Variants in FGF13 observed in about 807,000 individuals in gnomAD.
The protein encoded by FGF13 is fibroblast growth factor homologous factor 2.
In FGF13, 2 loss-of-function variants were observed where a neutral mutation model predicts 19.5. That is an observed-to-expected ratio of 0.10 (90% CI 0.04 to 0.32). The LOEUF (loss-of-function observed/expected upper bound fraction) is 0.32, where lower values mean the gene tolerates loss of function less well. Among genes scored for constraint, FGF13 ranks in the 10% least tolerant of loss-of-function variants. The pLI is 1.00. For synonymous variants in FGF13, 72 were observed against 76.9 expected (o/e 0.94, Z 0.33); for missense variants, 113 against 192.7 (o/e 0.59, Z 2.45).
At chrX:139,026,945 C>T (rs1158374907) in intron 1 of FGF13, among the ~76,000 whole-genome samples, 6 of 111,984 alleles carry the variant, frequency 5.4e-5, no homozygotes, top group African/African-American at 1.6e-4. Flanking sequence ...TGCATCCAGT[C>T]TTTGAGTAAT....
At chrX:138,836,383 CTTT>C (rs931328289) in intron 3 of FGF13, among the ~76,000 whole-genome samples, 2 of 111,744 alleles carry the variant, frequency 1.8e-5, no homozygotes, top group African/African-American at 6.5e-5. Flanking sequence ...TTGTTCATTC[CTTT>C]TCATTCTTTT....
At position 139,153,146 on chromosome X, in the gene FGF13, G is replaced by A. The variant is rs1043033113; in HGVS notation, c.-113+50270C>T. Among the ~76,000 whole-genome samples, 6 of 111,195 alleles carry A rather than the reference G, an allele frequency of 5.4e-5. No individual in the cohort carries two copies. In the Admixed American group the frequency reaches 5.7e-4, roughly 11 times the overall value. The stretch of plus-strand genomic sequence containing the variant: ...AGTATTGATCAGATTGAACTGAAAT[G>A]GGTGGAAGAGAGATTTGGACCTTGG... On this transcript the variant is annotated intron_variant, in intron 1 of 2. Transcript: ENST00000421460.
At chrX:138,950,267 C>G (rs762560588) in intron 1 of FGF13, among the ~76,000 whole-genome samples, 3 of 111,716 alleles carry the variant, frequency 2.7e-5, no homozygotes, top group Non-Finnish European at 5.7e-5. Context: ...AAAAAATAAA[C>G]CCACAAAACT....
At chrX:138,670,425 G>T (rs2089599049) in intron 3 of FGF13, among the ~76,000 whole-genome samples, 1 of 111,569 alleles carries the variant, frequency 9.0e-6, no homozygotes, top group Admixed American at 9.5e-5. Context: ...CAGCAACAAA[G>T]AAAAAAATGC....
rs1172405170 is a variant in FGF13 at position 138,631,552 on chromosome X, T to C, written c.*1298A>G. ...TTACTGGCACATAATGGACGCTCAA[T>C]AAATACATGTTGGAAGATTATTCTT... On this transcript the variant is annotated 3_prime_UTR_variant, in exon 5 of 5. Transcript: ENST00000315930. 1.8e-5 allele frequency: 2 copies of C among 112,737 alleles called. No homozygotes were observed. The highest frequency in any genetic ancestry group is 5.6e-4 in the East Asian group (2 of 3,581). The allele number at this position is 112,737 out of a possible 1,213,427, so 9.3% of individuals were successfully genotyped here.
At chrX:139,173,771 A>G (rs1319795737) in intron 1 of FGF13, among the ~76,000 whole-genome samples, 1 of 111,874 alleles carries the variant, frequency 8.9e-6, no homozygotes, top group Non-Finnish European at 1.9e-5. Context: ...CATGGTGTAT[A>G]TGTGCCACAT....
At chrX:139,145,631 C>G (rs1294232557) in intron 1 of FGF13, among the ~76,000 whole-genome samples, 1 of 109,887 alleles carries the variant, frequency 9.1e-6, no homozygotes. Flanking sequence ...CTTTCTGCAC[C>G]TTTCCTCTCA....
chrX:138,999,513 A>T (rs912804629), intron 1 of FGF13, among the ~76,000 whole-genome samples: 1 of 111,910 alleles, frequency 8.9e-6, no homozygotes, highest in African/African-American at 3.2e-5. Flanking sequence ...TATCATCACC[A>T]ATCCCACAGA....
chrX:138,891,870 G>A (rs970028394), intron 1 of FGF13, among the ~76,000 whole-genome samples: 4 of 110,621 alleles, frequency 3.6e-5, no homozygotes, highest in Admixed American at 9.7e-5. Context: ...CATCTAACTC[G>A]AAGTTCTTCA....
chrX:138,741,613 A>G (rs915564490), upstream of FGF13, among the ~76,000 whole-genome samples: 3 of 110,955 alleles, frequency 2.7e-5, no homozygotes, highest in Non-Finnish European at 5.7e-5. Flanking sequence ...TCGTCATCAG[A>G]GTGGCTGGTC....
At chrX:138,960,454 T>G (rs2091863811) in intron 1 of FGF13, among the ~76,000 whole-genome samples, 2 of 111,788 alleles carry the variant, frequency 1.8e-5, no homozygotes, top group Admixed American at 1.9e-4. Context: ...GCCCTTAACA[T>G]TTTTTCCTTC....
intron 3 of FGF13, among the ~76,000 whole-genome samples, chrX:138,811,656 A>G (rs915526784): frequency 2.7e-5 from 3 of 111,209 alleles, no homozygotes; most frequent in Non-Finnish European, 5.7e-5. Context: ...GGGCTCTTTT[A>G]AGATAGACAC....
In FGF13 at chrX:139,037,539, G is replaced by C. The variant is rs577290921; in HGVS notation, c.-113+165877C>G. Among the ~76,000 whole-genome samples, 372 of 111,611 alleles carry C rather than the reference G, an allele frequency of 3.3e-3. 1 individual carries two copies. The highest frequency in any genetic ancestry group is 5.6e-3 in the Non-Finnish European group (295 of 53,041). On this transcript the variant is annotated intron_variant, in intron 1 of 2. Transcript: ENST00000421460. ...CTGGGCTACAATCAAGGCGTTAGCAGTCTGTGTTTCTCCTGGAAGCTCTAG... is the reference window on the plus strand; with the variant it reads ...CTGGGCTACAATCAAGGCGTTAGCACTCTGTGTTTCTCCTGGAAGCTCTAG...
intron 1 of FGF13, among the ~76,000 whole-genome samples, chrX:138,978,499 T>C (rs1319949519): frequency 2.7e-5 from 3 of 110,977 alleles, no homozygotes; most frequent in Non-Finnish European, 3.8e-5. Flanking sequence ...CCTGACCTCG[T>C]GATCCGCCCG....
chrX:139,122,052 T>G (rs1294190069), intron 1 of FGF13, among the ~76,000 whole-genome samples: 2 of 111,196 alleles, frequency 1.8e-5, no homozygotes, highest in Non-Finnish European at 3.8e-5. Flanking sequence ...CATGAGATTC[T>G]GATAATGAAG....
chrX:139,171,834 C>T (rs1467801802), intron 1 of FGF13, among the ~76,000 whole-genome samples: 1 of 111,648 alleles, frequency 9.0e-6, no homozygotes, highest in Non-Finnish European at 1.9e-5. Context: ...TGACTTTATA[C>T]AAGAAAACAA....
chrX:139,154,149 C>G, intron 1 of FGF13, among the ~76,000 whole-genome samples: 1 of 111,822 alleles, frequency 8.9e-6, no homozygotes, highest in Non-Finnish European at 1.9e-5. Context: ...CACCCCATGA[C>G]TACCCCCTTG....
intron 1 of FGF13, among the ~76,000 whole-genome samples, chrX:138,868,927 C>T (rs775995525): frequency 4.5e-5 from 5 of 110,575 alleles, no homozygotes; most frequent in African/African-American, 6.6e-5. Context: ...CTCAGTTGAC[C>T]GCTAGGAATT....
chrX:139,194,729 G>A (rs1392447623), intron 1 of FGF13, among the ~76,000 whole-genome samples: 1 of 111,533 alleles, frequency 9.0e-6, no homozygotes, highest in East Asian at 2.9e-4. Context: ...TGCTCTGACC[G>A]CCACCATCTT....
Sources: allele counts gnomAD v4.1 joint callset (sites outside exome capture counted in the v4.1 genomes callset), GRCh38; gene constraint gnomAD v4.1.1; transcripts MANE v1.5; gene names NCBI Gene and HGNC (gene_info 2026-07-23, HGNC 2026-07-21).